Variants in MRPS27 observed in about 807,000 individuals in gnomAD.
MRPS27 encodes small ribosomal subunit protein mS27.
Under a neutral mutation model 48.9 loss-of-function variants are expected in MRPS27, and 43 were observed. That is an observed-to-expected ratio of 0.88 (90% CI 0.69 to 1.13). The LOEUF is 1.13. Ranked by LOEUF, MRPS27 falls within the 50% of genes most tolerant of loss-of-function variation. MRPS27 has a pLI of 0.00. For missense variants in MRPS27, 467 were observed against 476.3 expected (o/e 0.98, Z 0.18); for synonymous variants, 188 against 171.9 (o/e 1.09, Z -0.73).
intron 3 of MRPS27, 33 bp from the exon 4 acceptor site, chr5:72,295,622 T>C (rs376294485): frequency 5.7e-5 from 87 of 1,538,450 alleles, no homozygotes; most frequent in Non-Finnish European, 1.3e-5. Context: ...TTTGGTTGAA[T>C]ATAAATTATG....
chr5:72,313,453 A>T (rs1750490151), intron 2 of MRPS27, among the ~76,000 whole-genome samples: 1 of 152,246 alleles, frequency 6.6e-6, no homozygotes, highest in Admixed American at 6.5e-5. Flanking sequence ...GGCAGGCAGT[A>T]CCAAAAGTCT....
chr5:72,238,390 T>C (rs1053496480), intron 4 of MRPS27, among the ~76,000 whole-genome samples: 1 of 152,202 alleles, frequency 6.6e-6, no homozygotes, highest in African/African-American at 2.4e-5. Flanking sequence ...TTCATTTTAA[T>C]AGATTTATGA....
chr5:72,315,472 G>A (rs1341002120), intron 1 of MRPS27, among the ~76,000 whole-genome samples: 3 of 150,856 alleles, frequency 2.0e-5, no homozygotes, highest in African/African-American at 4.9e-5. Flanking sequence ...TGGGAGAATC[G>A]ACTGAGCCCG....
intron 4 of MRPS27, among the ~76,000 whole-genome samples, chr5:72,290,229 A>G (rs1308275717): frequency 5.3e-5 from 8 of 152,192 alleles, no homozygotes. Flanking sequence ...AGAACTACAG[A>G]CTAGGTGGCC....
At chr5:72,319,547 T>C (rs1406990132) in intron 1 of MRPS27, among the ~76,000 whole-genome samples, 1 of 143,698 alleles carries the variant, frequency 7.0e-6, no homozygotes, top group African/African-American at 2.6e-5. Context: ...CTTTTTTTTT[T>C]TTTTTTTTTT....
intron 4 of MRPS27, among the ~76,000 whole-genome samples, chr5:72,274,424 G>A (rs1047356906): frequency 1.2e-4 from 19 of 152,144 alleles, no homozygotes; most frequent in African/African-American, 4.6e-4. Flanking sequence ...CACAGGGTCA[G>A]GATCACTGTC....
chr5:72,244,791 C>A (rs549973947), intron 4 of MRPS27, among the ~76,000 whole-genome samples: 1 of 151,978 alleles, frequency 6.6e-6, no homozygotes, highest in African/African-American at 2.4e-5. Context: ...CATGCCTAGC[C>A]CTAACTCCTA....
At chr5:72,236,287 G>T (rs1032894288) in intron 5 of MRPS27, among the ~76,000 whole-genome samples, 4 of 152,066 alleles carry the variant, frequency 2.6e-5, no homozygotes, top group African/African-American at 9.7e-5. Flanking sequence ...ACCCTAATGG[G>T]CAGCCAGAGT....
chr5:72,295,565 C>T lies in MRPS27; in HGVS notation c.247G>A (p.Glu83Lys). The T allele has an allele frequency of 1.9e-6, 3 of 1,610,838 alleles. No homozygotes were observed. The highest frequency in any genetic ancestry group is 2.5e-6 in the Non-Finnish European group (3 of 1,177,264). ...SRLIDNISSR[E>K]EIDHAEYYLY... The stretch of plus-strand genomic sequence containing the variant: ...TAATACTCTGCATGATCTATCTCTT[C>T]CCGAGAGGAAATGTTGTCTATAAGC... The change falls in exon 4 of 11, where the codon GAA becomes AAA. Residue 83 changes from glutamate (E) to lysine (K), a missense_variant. By Grantham distance (56) the Glu-to-Lys change is moderately conservative. Transcript: ENST00000261413.
At chr5:72,246,542 A>C (rs1392186379) in intron 4 of MRPS27, among the ~76,000 whole-genome samples, 3 of 152,238 alleles carry the variant, frequency 2.0e-5, no homozygotes, top group African/African-American at 7.2e-5. Flanking sequence ...CAATAAAAAA[A>C]CAGACTCCTT....
At chr5:72,251,229 G>A (rs1393007604) in intron 4 of MRPS27, among the ~76,000 whole-genome samples, 1 of 152,136 alleles carries the variant, frequency 6.6e-6, no homozygotes, top group East Asian at 1.9e-4. Context: ...GGAAGAACTG[G>A]GTCAGTAAGA....
chr5:72,276,495 A>T (rs1325124374), intron 4 of MRPS27, among the ~76,000 whole-genome samples: 3 of 152,222 alleles, frequency 2.0e-5, no homozygotes, highest in Non-Finnish European at 4.4e-5. Context: ...CATTCAGGAC[A>T]TAGGCACAGG....
chr5:72,282,992 A>C (rs1749570112), intron 4 of MRPS27, among the ~76,000 whole-genome samples: 1 of 152,248 alleles, frequency 6.6e-6, no homozygotes, highest in African/African-American at 2.4e-5. Flanking sequence ...ACAAAAAGCC[A>C]GAGCTACATG....
chr5:72,279,381 T>G (rs1749471787), intron 4 of MRPS27, among the ~76,000 whole-genome samples: 1 of 152,236 alleles, frequency 6.6e-6, no homozygotes. Context: ...CTACATGCAT[T>G]GCAAATCTTC....
At chr5:72,246,184 A>G (rs1432581794) in intron 4 of MRPS27, among the ~76,000 whole-genome samples, 1 of 152,218 alleles carries the variant, frequency 6.6e-6, no homozygotes, top group Non-Finnish European at 1.5e-5. Flanking sequence ...CCCATCATGC[A>G]TGCTGAAATT....
intron 2 of MRPS27, among the ~76,000 whole-genome samples, chr5:72,304,334 A>C (rs1750200565): frequency 6.6e-6 from 1 of 152,226 alleles, no homozygotes; most frequent in African/African-American, 2.4e-5. Flanking sequence ...AAAATGTGAC[A>C]GAAATAAATC....
At chr5:72,258,905 C>T (rs1748887488) in intron 4 of MRPS27, among the ~76,000 whole-genome samples, 1 of 152,230 alleles carries the variant, frequency 6.6e-6, no homozygotes, top group South Asian at 2.1e-4. Context: ...GTAAACATCT[C>T]TCCCAGCTGC....
At chr5:72,281,498 C>A (rs1227573554) in intron 4 of MRPS27, among the ~76,000 whole-genome samples, 1 of 152,082 alleles carries the variant, frequency 6.6e-6, no homozygotes, top group East Asian at 1.9e-4. Context: ...ATAGGTAAAA[C>A]AAAATTTTAT....
chr5:72,234,831 A>G (rs2111955489), intron 5 of MRPS27, among the ~76,000 whole-genome samples: 1 of 152,256 alleles, frequency 6.6e-6, no homozygotes, highest in South Asian at 2.1e-4. Context: ...GGAATTGGGC[A>G]CAAAACCCTG....
Sources: allele counts gnomAD v4.1 joint callset (sites outside exome capture counted in the v4.1 genomes callset), GRCh38; gene constraint gnomAD v4.1.1; transcripts MANE v1.5; gene names NCBI Gene and HGNC (gene_info 2026-07-23, HGNC 2026-07-21).